CSMD1: variants seen among roughly 807,000 people sequenced by gnomAD.
CSMD1 encodes CUB and Sushi multiple domains 1, also known as CUB and sushi domain-containing protein 1.
CSMD1 carries 213 observed loss-of-function variants against 417.5 expected under a neutral mutation model. The ratio of observed to expected loss-of-function variants is 0.51; its 90% CI spans 0.46 to 0.57. The LOEUF is 0.57. Among genes scored for constraint, CSMD1 ranks in the 20% least tolerant of loss-of-function variants. CSMD1 has a pLI of 0.00. For synonymous variants in CSMD1, 2,862 were observed against 1,736.8 expected, an observed-to-expected ratio of 1.65 and a Z score of -16.11; for missense variants, 6,923 against 4,529.7, an observed-to-expected ratio of 1.53 and a Z score of -15.17.
intron 3 of CSMD1, among the ~76,000 whole-genome samples, chr8:4,236,055 T>TTTTTTTTTTTTTTTTTTTG (rs1802038108): frequency 3.6e-5 from 3 of 83,738 alleles, no homozygotes; most frequent in African/African-American, 8.5e-5. Flanking sequence ...TTTTTTTTTT[T>TTTTTTTTTTTTTTTTTTTG]TTTTTTTTTT....
At chr8:4,104,961 C>T (rs1221812018) in intron 3 of CSMD1, among the ~76,000 whole-genome samples, 1 of 151,558 alleles carries the variant, frequency 6.6e-6, no homozygotes, top group Non-Finnish European at 1.5e-5. Flanking sequence ...ACAGCCACTG[C>T]CAATTCGATC....
intron 51 of CSMD1, 41 bp from the exon 52 acceptor site, chr8:3,018,691 G>A: frequency 1.3e-6 from 2 of 1,555,194 alleles, no homozygotes; most frequent in South Asian, 1.1e-5. Flanking sequence ...ATTCAGTTAT[G>A]CAGATTACTC....
chr8:4,244,071 G>A (rs551065928), intron 3 of CSMD1, among the ~76,000 whole-genome samples: 2 of 152,198 alleles, frequency 1.3e-5, no homozygotes, highest in African/African-American at 2.4e-5. Flanking sequence ...AGGTAGTCCT[G>A]TTGTGGACAG....
chr8:4,994,889 T>G lies in CSMD1; in HGVS notation c.-473A>C. ...GAGAGCGCAGAAGAAGGGCTGCTAG[T>G]GGCACAAGGAGCCGCTGCCGTGGAG... On this transcript the variant is annotated 5_prime_UTR_variant, in exon 1 of 70. Transcript: ENST00000635120. The G allele has an allele frequency of 6.3e-6, 1 of 159,938 alleles. No individual in the cohort carries two copies. The highest frequency in any genetic ancestry group is 1.4e-5 in the Non-Finnish European group (1 of 73,542). 9.9% of individuals were successfully genotyped at this position (159,938 alleles called of 1,614,324 possible).
chr8:4,658,764 T>TA (rs1482812838), intron 1 of CSMD1, among the ~76,000 whole-genome samples: 4 of 152,118 alleles, frequency 2.6e-5, no homozygotes, highest in Non-Finnish European at 5.9e-5. Flanking sequence ...CTATATGATT[T>TA]AAAAGACAAA....
At chr8:3,972,806 A>T (rs1221303353) in intron 5 of CSMD1, among the ~76,000 whole-genome samples, 1 of 152,234 alleles carries the variant, frequency 6.6e-6, no homozygotes, top group Non-Finnish European at 1.5e-5. Flanking sequence ...ATTTTATGGG[A>T]ATAATTTTGG....
At chr8:3,407,265 G>A (rs1351189723) in intron 14 of CSMD1, among the ~76,000 whole-genome samples, 1 of 151,770 alleles carries the variant, frequency 6.6e-6, no homozygotes, top group Admixed American at 6.6e-5. Flanking sequence ...GGAAGGATAT[G>A]GATTGATAGA....
intron 10 of CSMD1, among the ~76,000 whole-genome samples, chr8:3,535,629 C>A (rs192280904): frequency 6.6e-6 from 1 of 152,160 alleles, no homozygotes; most frequent in African/African-American, 2.4e-5. Flanking sequence ...ATTCAAGTAA[C>A]AGATACCCTA....
intron 3 of CSMD1, among the ~76,000 whole-genome samples, chr8:4,231,210 G>A (rs1787800992): frequency 6.6e-6 from 1 of 152,136 alleles, no homozygotes; most frequent in South Asian, 2.1e-4. Context: ...TAAATGAAAG[G>A]CATTGTCTTA....
chr8:4,355,501 G>A (rs1158859511), intron 3 of CSMD1, among the ~76,000 whole-genome samples: 1 of 151,982 alleles, frequency 6.6e-6, no homozygotes, highest in African/African-American at 2.4e-5. Context: ...TGAATGAAAG[G>A]GAACATTCAG....
chr8:3,729,070 C>T (rs906531550), intron 6 of CSMD1, among the ~76,000 whole-genome samples: 19 of 152,196 alleles, frequency 1.2e-4, no homozygotes, highest in African/African-American at 4.3e-4. Context: ...TAATTCTCCA[C>T]GTGATCTGAA....
chr8:4,383,345 A>G (rs1458668242), intron 3 of CSMD1, among the ~76,000 whole-genome samples: 1 of 152,138 alleles, frequency 6.6e-6, no homozygotes, highest in Non-Finnish European at 1.5e-5. Context: ...AGATTTTATG[A>G]TGAGAGAGTT....
intron 3 of CSMD1, among the ~76,000 whole-genome samples, chr8:4,406,590 A>G (rs1053354370): frequency 2.0e-5 from 3 of 152,142 alleles, no homozygotes; most frequent in Non-Finnish European, 2.9e-5. Flanking sequence ...TGAGACAGAT[A>G]AGACACCCAC....
intron 3 of CSMD1, among the ~76,000 whole-genome samples, chr8:4,073,989 G>A (rs933721718): frequency 6.6e-6 from 1 of 151,890 alleles, no homozygotes; most frequent in Non-Finnish European, 1.5e-5. Context: ...CATTGGCTTT[G>A]GGAAGCTTTA....
chr8:4,622,601 C>T lies in CSMD1; in HGVS notation c.302+14741G>A, dbSNP rs117476813. Among the ~76,000 whole-genome samples, 641 of 152,104 alleles carry T rather than the reference C, an allele frequency of 4.2e-3. 2 individuals carry two copies. Among genetic ancestry groups the T allele is most frequent in the Non-Finnish European group, 6.9e-3 (468 of 67,984 alleles). On this transcript the variant is annotated intron_variant, in intron 2 of 69. Coordinates refer to ENST00000635120, the MANE Select transcript of CSMD1 (RefSeq NM_033225.6). ...GCGACATGTGTACAAGGTTTGGTTT[C>T]GGAATTACAAAGCAGAGGAAAGAAG...
Position 3,743,045 on chromosome 8 carries a change from G to A in CSMD1, c.931+10885C>T, listed in dbSNP as rs144542212. On this transcript the variant is annotated intron_variant, in intron 6 of 69. Transcript: ENST00000635120. ...CCTAGCACACTTGTCTCACTTGACC[G>A]CCATGGTCCCTGTATGGCAGCTGTG... Among the ~76,000 whole-genome samples the A allele has an allele frequency of 2.1e-3, 322 of 152,278 alleles. 1 individual carries two copies. The highest frequency in any genetic ancestry group is 3.8e-3 in the Non-Finnish European group (256 of 68,032).
intron 2 of CSMD1, among the ~76,000 whole-genome samples, chr8:4,521,919 G>T (rs1467414644): frequency 6.6e-6 from 1 of 152,204 alleles, no homozygotes; most frequent in Non-Finnish European, 1.5e-5. Flanking sequence ...ACCATGAGAA[G>T]ATGTGTACAT....
intron 59 of CSMD1, among the ~76,000 whole-genome samples, chr8:2,964,542 T>G: frequency 6.7e-6 from 1 of 149,466 alleles, no homozygotes; most frequent in East Asian, 2.1e-4. Context: ...GGCCGTGGTG[T>G]TGTTACAAAC....
chr8:3,590,943 T>G (rs570272090), intron 8 of CSMD1, among the ~76,000 whole-genome samples: 1 of 152,358 alleles, frequency 6.6e-6, no homozygotes, highest in African/African-American at 2.4e-5. Flanking sequence ...GATTTATGAT[T>G]ACTATATTTG....
Sources: gnomAD v4.1 joint callset for allele counts (sites outside exome capture counted in the v4.1 genomes callset) on GRCh38, gnomAD v4.1.1 for gene constraint, MANE v1.5 for transcripts, NCBI Gene and HGNC (gene_info 2026-07-23, HGNC 2026-07-21) for gene names.